The following SORBS2 variants were observed in gnomAD, a reference collection of about 807,000 sequenced individuals.
SORBS2 encodes the protein sorbin and SH3 domain containing 2.
In SORBS2, 46 loss-of-function variants were observed where a neutral mutation model predicts 97.7. That is an observed-to-expected ratio of 0.47 (90% confidence interval 0.37 to 0.60). The LOEUF is 0.60. SORBS2 is among the 20% of genes least tolerant of loss of function. The pLI is 0.00. For synonymous variants in SORBS2, 476 were observed against 473.4 expected (o/e 1.01, Z -0.07); for missense variants, 1,316 against 1,282.3 (o/e 1.03, Z -0.40).
chr4:185,785,108 T>C (rs2099049810), intron 1 of SORBS2, among the ~76,000 whole-genome samples: 1 of 151,960 alleles, frequency 6.6e-6, no homozygotes, highest in Non-Finnish European at 1.5e-5. Flanking sequence ...GTTGCTTCGA[T>C]GGAGTTTAGG....
At chr4:185,806,463 T>A (rs1350703051) in intron 1 of SORBS2, among the ~76,000 whole-genome samples, 1 of 31,412 alleles carries the variant, frequency 3.2e-5, no homozygotes, top group East Asian at 7.9e-4. Flanking sequence ...TTTTTTTTTT[T>A]TTTTTTTTTT....
chr4:185,710,095 C>T lies in SORBS2; in HGVS notation c.-197-31273G>A, dbSNP rs182263526. The T allele has an allele frequency of 3.9e-5, 6 of 152,102 alleles. No homozygotes were observed. The East Asian group carries it at 1.2e-3, about 29-fold the overall frequency. 9.4% of individuals were successfully genotyped at this position (152,102 alleles called of 1,614,324 possible). A position where few individuals can be genotyped will look rare whatever the true frequency, so the allele number is the denominator to read the frequency against. On this transcript the variant is annotated intron_variant, in intron 2 of 20. Transcript: ENST00000284776. ...AGGCCTCCGAATGTTGTTAATCCAA[C>T]ACCTATAACTCTTTTTCCCAAGGTT...
intron 2 of SORBS2, among the ~76,000 whole-genome samples, chr4:185,723,175 T>G (rs1415434355): frequency 6.6e-6 from 1 of 152,118 alleles, no homozygotes; most frequent in Non-Finnish European, 1.5e-5. Flanking sequence ...CCACAGCCAC[T>G]AAAAGCATAT....
intron 1 of SORBS2, among the ~76,000 whole-genome samples, chr4:185,865,999 G>A (rs570345219): frequency 4.6e-5 from 7 of 152,124 alleles, no homozygotes; most frequent in South Asian, 2.1e-4. Context: ...GTGAACTCTC[G>A]CCCAGGAAAT....
chr4:185,792,464 G>T (rs138140478), intron 1 of SORBS2, among the ~76,000 whole-genome samples: 2 of 151,620 alleles, frequency 1.3e-5, no homozygotes, highest in Admixed American at 6.6e-5. Flanking sequence ...ACTGCACTCC[G>T]ACCTGGGCGA....
At chr4:185,745,204 T>C (rs1187785700) in intron 2 of SORBS2, among the ~76,000 whole-genome samples, 1 of 152,068 alleles carries the variant, frequency 6.6e-6, no homozygotes, top group East Asian at 1.9e-4. Flanking sequence ...GCTGCAAAGA[T>C]GCCCGAGCAG....
chr4:185,612,379 G>A lies in SORBS2; in HGVS notation c.2596-399C>T, dbSNP rs545494396. 2.0e-5 allele frequency among the ~76,000 whole-genome samples: 3 copies of A among 152,316 alleles called. No homozygotes were observed. The East Asian group carries it at 5.8e-4, about 29-fold the overall frequency. ...AGTGCATTGGCCTTCTGTAGGAAGAGCTTCAGAAAGTGCACCATAGCTTGC... is the reference window on the plus strand; with the variant it reads ...AGTGCATTGGCCTTCTGTAGGAAGAACTTCAGAAAGTGCACCATAGCTTGC... On this transcript the variant is annotated intron_variant, in intron 11 of 14. Transcript: ENST00000418609.
intron 4 of SORBS2, among the ~76,000 whole-genome samples, chr4:185,640,935 A>G (rs571561093): frequency 7.1e-4 from 108 of 152,304 alleles, no homozygotes; most frequent in Non-Finnish European, 1.1e-3. Flanking sequence ...CAAGAATAGT[A>G]TTTTGTTTTG....
At chr4:185,588,612 T>TCCTCCTC (rs1561252824) in intron 14 of SORBS2, among the ~76,000 whole-genome samples, 5 of 149,306 alleles carry the variant, frequency 3.3e-5, no homozygotes, top group Admixed American at 6.7e-5. Context: ...TCCTCCCTCC[T>TCCTCCTC]CCTCCTCCTC....
At chr4:185,882,274 A>G (rs1159074878) in intron 1 of SORBS2, among the ~76,000 whole-genome samples, 1 of 152,210 alleles carries the variant, frequency 6.6e-6, no homozygotes, top group Non-Finnish European at 1.5e-5. Context: ...TCAATATACA[A>G]AAGTCCATTG....
At chr4:185,778,834 A>G (rs150375054) in intron 1 of SORBS2, among the ~76,000 whole-genome samples, 368 of 148,548 alleles carry the variant, frequency 2.5e-3, no homozygotes, top group Non-Finnish European at 4.5e-3. Context: ...GTTAACCCCA[A>G]TAACTCTACA....
intron 6 of SORBS2, among the ~76,000 whole-genome samples, chr4:185,626,321 C>T (rs561686255): frequency 6.6e-6 from 1 of 152,270 alleles, no homozygotes; most frequent in South Asian, 2.1e-4. Flanking sequence ...GTGAAGGTGG[C>T]CCAAAATATA....
intron 11 of SORBS2, among the ~76,000 whole-genome samples, chr4:185,614,032 G>A (rs1465377698): frequency 6.6e-6 from 1 of 152,082 alleles, no homozygotes; most frequent in African/African-American, 2.4e-5. Flanking sequence ...CCTCGCCTGT[G>A]TTGTGTGCAG....
intron 1 of SORBS2, among the ~76,000 whole-genome samples, chr4:185,842,206 A>G (rs548929643): frequency 1.7e-4 from 26 of 152,362 alleles, no homozygotes; most frequent in Admixed American, 1.6e-3. Context: ...TAGACTGAAT[A>G]GAGAAAATCT....
intron 4 of SORBS2, among the ~76,000 whole-genome samples, chr4:185,665,247 A>C (rs967397155): frequency 6.6e-6 from 1 of 152,192 alleles, no homozygotes; most frequent in African/African-American, 2.4e-5. Flanking sequence ...TGTAGCTGTT[A>C]GAGAAGGAGG....
chr4:185,741,399 T>G (rs1583864204), intron 2 of SORBS2, among the ~76,000 whole-genome samples: 3 of 115,106 alleles, frequency 2.6e-5, no homozygotes, highest in South Asian at 3.3e-4. Context: ...TTTTCTTTTT[T>G]TTTTGTTTTT....
intron 1 of SORBS2, among the ~76,000 whole-genome samples, chr4:185,848,686 C>T (rs951190531): frequency 1.7e-5 from 2 of 118,298 alleles, no homozygotes; most frequent in African/African-American, 3.3e-5. Flanking sequence ...ATACATTGCT[C>T]AGGCTAGACT....
upstream of SORBS2, chr4:185,657,403 G>A (rs761558184): frequency 6.6e-6 from 10 of 1,517,724 alleles, no homozygotes; most frequent in African/African-American, 1.4e-5. Flanking sequence ...CCAGACAGAC[G>A]CACACGCTGG....
At chr4:185,631,750 G>A (rs1038540256) in intron 4 of SORBS2, among the ~76,000 whole-genome samples, 10 of 151,136 alleles carry the variant, frequency 6.6e-5, no homozygotes, top group Non-Finnish European at 1.2e-4. Flanking sequence ...CCATGAGAGT[G>A]AAACCCCATC....
Sources: gnomAD v4.1 joint callset for allele counts (sites outside exome capture counted in the v4.1 genomes callset) on GRCh38, gnomAD v4.1.1 for gene constraint, MANE v1.5 for transcripts, NCBI Gene and HGNC (gene_info 2026-07-23, HGNC 2026-07-21) for gene names.